Variants in NDUFA5 observed in about 807,000 individuals in gnomAD.
NDUFA5 encodes NADH dehydrogenase [ubiquinone] 1 alpha subcomplex subunit 5.
In NDUFA5, 11 loss-of-function variants were observed where a neutral mutation model predicts 19.8. The observed-to-expected ratio is 0.56, with a 90% CI of 0.35 to 0.92. The LOEUF (loss-of-function observed/expected upper bound fraction) is 0.92. NDUFA5 is among the 40% of genes least tolerant of loss of function. NDUFA5 has a pLI of 0.01. For synonymous variants in NDUFA5, 47 were observed against 46.8 expected (o/e 1.00, Z -0.01); for missense variants, 109 against 134.2 (o/e 0.81, Z 0.93).
At chr7:123,556,759 A>C (rs1798563913) in intron 2 of NDUFA5, 1 of 453,912 alleles carries the variant, frequency 2.2e-6, no homozygotes. Context: ...TAGGTCAATG[A>C]AGGTGAGAAA....
At chr7:123,592,770 G>T in the NDUFA5 span, among the ~76,000 whole-genome samples, 5 of 152,124 alleles carry the variant, frequency 3.3e-5, no homozygotes, top group Non-Finnish European at 1.5e-5. Flanking sequence ...TGTTGATTTG[G>T]GGTGGAGAGT....
chr7:123,568,155 C>A, the NDUFA5 span, among the ~76,000 whole-genome samples: 2 of 152,128 alleles, frequency 1.3e-5, no homozygotes, highest in Admixed American at 6.5e-5. Flanking sequence ...ATGGGGATAT[C>A]TCACACTCCC....
At position 123,540,890 on chromosome 7, in the gene NDUFA5, G is replaced by GCA. The variant is rs56974030; in HGVS notation, c.*1227_*1228dup. ...TCTGAGCAAATGTGCGCATGCGCGTGCACACACACACACACACACACACAC... is the reference window on the plus strand; with the variant it reads ...TCTGAGCAAATGTGCGCATGCGCGTGCACACACACACACACACACACACACAC... On this transcript the variant is annotated 3_prime_UTR_variant, in exon 5 of 5. Coordinates refer to ENST00000355749, the MANE Select transcript of NDUFA5 (RefSeq NM_005000.5). The GCA allele has an allele frequency of 0.19, 25,803 of 133,588 alleles. 2,324 individuals carry two copies. The highest frequency in any genetic ancestry group is 0.22 in the Admixed American group (3,016 of 13,418). 8.3% of individuals were successfully genotyped at this position (133,588 alleles called of 1,614,324 possible).
intron 4 of NDUFA5, among the ~76,000 whole-genome samples, chr7:123,544,382 T>C (rs754114283): frequency 2.7e-5 from 4 of 150,938 alleles, no homozygotes; most frequent in Non-Finnish European, 5.9e-5. Flanking sequence ...CCTGTAATCC[T>C]AGCTACTTAG....
the NDUFA5 span, among the ~76,000 whole-genome samples, chr7:123,577,988 A>G: frequency 6.6e-6 from 1 of 151,444 alleles, no homozygotes; most frequent in Non-Finnish European, 1.5e-5. Flanking sequence ...GATTTGCTGC[A>G]CCCATCAACC....
the NDUFA5 span, among the ~76,000 whole-genome samples, chr7:123,564,496 T>C: frequency 6.6e-6 from 1 of 152,180 alleles, no homozygotes; most frequent in Admixed American, 6.5e-5. Context: ...ACCAGTGGGA[T>C]ATTTAATATT....
chr7:123,597,765 A>T, the NDUFA5 span, among the ~76,000 whole-genome samples: 1 of 152,182 alleles, frequency 6.6e-6, no homozygotes, highest in Non-Finnish European at 1.5e-5. Context: ...CAGGAGGCAG[A>T]GGTTGCAGTG....
chr7:123,586,287 G>C, the NDUFA5 span, among the ~76,000 whole-genome samples: 1 of 151,756 alleles, frequency 6.6e-6, no homozygotes, highest in Non-Finnish European at 1.5e-5. Context: ...GGTGTGAAGT[G>C]CTGTCTCTTT....
At chr7:123,591,142 T>C in the NDUFA5 span, among the ~76,000 whole-genome samples, 1 of 151,332 alleles carries the variant, frequency 6.6e-6, no homozygotes. Flanking sequence ...TTTTTGCAAA[T>C]TGATTTTGTA....
At chr7:123,578,282 C>T in the NDUFA5 span, among the ~76,000 whole-genome samples, 1 of 150,652 alleles carries the variant, frequency 6.6e-6, no homozygotes, top group Non-Finnish European at 1.5e-5. Flanking sequence ...CATCTAAAGC[C>T]TCTTGGTCCC....
the NDUFA5 span, among the ~76,000 whole-genome samples, chr7:123,563,174 T>G: frequency 6.6e-6 from 1 of 152,322 alleles, no homozygotes; most frequent in South Asian, 2.1e-4. Context: ...TTTCTTTGTA[T>G]TCACAGCTTG....
At chr7:123,550,691 T>A (rs1037571711) in intron 2 of NDUFA5, 105 bp from the exon 3 acceptor site, 2 of 692,656 alleles carry the variant, frequency 2.9e-6, no homozygotes, top group African/African-American at 3.6e-5. Context: ...ATCTGTTTTT[T>A]TTTTTTGCTT....
upstream of NDUFA5, among the ~76,000 whole-genome samples, chr7:123,560,794 C>T (rs551387500): frequency 6.6e-5 from 10 of 152,222 alleles, no homozygotes; most frequent in South Asian, 2.1e-3. Flanking sequence ...CTAATTATCT[C>T]CCAAAGATTC....
intron 2 of NDUFA5, 96 bp from the exon 3 acceptor site, chr7:123,550,682 T>A (rs1798303729): frequency 4.1e-5 from 27 of 665,796 alleles, no homozygotes; most frequent in East Asian, 8.7e-5. Flanking sequence ...AAAACTCACA[T>A]CTGTTTTTTT....
In NDUFA5 at chr7:123,542,002, A is replaced by C. The variant is rs191346214; in HGVS notation, c.*117T>G. 2 of 622,040 alleles carry C rather than the reference A, an allele frequency of 3.2e-6. No individual in the cohort carries two copies. The highest frequency in any genetic ancestry group is 3.8e-5 in the Admixed American group (1 of 26,518). The allele number at this position is 622,040 out of a possible 1,614,324, so 38.5% of individuals were successfully genotyped here. On this transcript the variant is annotated 3_prime_UTR_variant, in exon 5 of 5. Transcript: ENST00000355749. ...ATCACCAATTTTAACAGTCTCCTAC[A>C]TATTTTCTATATCACTTTTCTTGAT...
the NDUFA5 span, among the ~76,000 whole-genome samples, chr7:123,578,851 T>C: frequency 6.6e-6 from 1 of 152,166 alleles, no homozygotes; most frequent in East Asian, 1.9e-4. Context: ...AAATAACTAG[T>C]TCTGTTTGTC....
the NDUFA5 span, among the ~76,000 whole-genome samples, chr7:123,565,396 T>TACACACACAC: frequency 5.4e-5 from 8 of 148,250 alleles, 1 homozygote; most frequent in Admixed American, 4.0e-4. Flanking sequence ...TAGCTTATAA[T>TACACACACAC]ACACACACAC....
chr7:123,569,754 A>G, the NDUFA5 span, among the ~76,000 whole-genome samples: 1 of 152,232 alleles, frequency 6.6e-6, no homozygotes, highest in African/African-American at 2.4e-5. Flanking sequence ...TGCATAGTGT[A>G]GCTGTGGTGG....
rs865917127 is a variant in NDUFA5, at chr7:123,557,508, C to G, written c.22-60G>C. On this transcript the variant is annotated intron_variant, in intron 1 of 4. Coordinates refer to ENST00000355749, the MANE Select transcript of NDUFA5 (RefSeq NM_005000.5). ...CTACGGTTTCCATACATCCAGCACG[C>G]TAAGGAAATACAAAACCACGAATCC... 4 of 1,612,444 alleles carry G rather than the reference C, an allele frequency of 2.5e-6. No individual in the cohort carries two copies. The South Asian group carries it at 3.3e-5, about 13-fold the overall frequency.
Sources: allele counts gnomAD v4.1 joint callset (sites outside exome capture counted in the v4.1 genomes callset), GRCh38; gene constraint gnomAD v4.1.1; transcripts MANE v1.5; gene names NCBI Gene and HGNC (gene_info 2026-07-23, HGNC 2026-07-21).